Variants in GRIK4 observed in about 807,000 individuals in gnomAD.
The protein encoded by GRIK4 is glutamate receptor ionotropic, kainate 4.
A neutral mutation model predicts 104.9 loss-of-function variants in GRIK4; 40 were observed. The observed-to-expected ratio is 0.38, with a 90% CI of 0.30 to 0.50. GRIK4 has a LOEUF of 0.50. Ranked by LOEUF, GRIK4 falls within the 20% of genes least tolerant of loss-of-function variation. GRIK4 has a pLI of 0.93. For missense variants in GRIK4, 1,047 were observed against 1,308.1 expected, an observed-to-expected ratio of 0.80 and a Z score of 3.08; for synonymous variants, 485 against 524.9, an observed-to-expected ratio of 0.92 and a Z score of 1.04.
intron 3 of GRIK4, among the ~76,000 whole-genome samples, chr11:120,768,458 T>G (rs1384154231): frequency 6.6e-6 from 1 of 152,190 alleles, no homozygotes; most frequent in African/African-American, 2.4e-5. Flanking sequence ...GTTAAAACTT[T>G]CGAGTTTTCT....
intron 3 of GRIK4, among the ~76,000 whole-genome samples, chr11:120,783,348 TG>T (rs34331608): frequency 0.031 from 4,654 of 152,312 alleles, 183 homozygotes; most frequent in African/African-American, 0.085. Flanking sequence ...CCTCCTGCTC[TG>T]TCTTGCTAAT....
intron 3 of GRIK4, among the ~76,000 whole-genome samples, chr11:120,709,354 C>T (rs774637864): frequency 1.3e-4 from 19 of 151,922 alleles, no homozygotes; most frequent in Admixed American, 2.6e-4. Context: ...TGTTACATGT[C>T]GGAGACATGA....
intron 3 of GRIK4, among the ~76,000 whole-genome samples, chr11:120,681,309 G>A (rs1950189606): frequency 6.9e-6 from 1 of 145,444 alleles, no homozygotes; most frequent in Non-Finnish European, 1.6e-5. Flanking sequence ...CTCTGAGACT[G>A]TGGAATTTGC....
chr11:120,540,801 G>C (rs58313956), intron 1 of GRIK4, among the ~76,000 whole-genome samples: 3,804 of 151,620 alleles, frequency 0.025, 156 homozygotes, highest in African/African-American at 0.087. Context: ...TTTTCAAAGA[G>C]GACTTTGGAC....
chr11:120,751,555 T>G (rs1413647365), intron 3 of GRIK4, among the ~76,000 whole-genome samples: 2 of 152,098 alleles, frequency 1.3e-5, no homozygotes, highest in African/African-American at 4.8e-5. Context: ...AGCCCCTCCC[T>G]GCCAGGCTCT....
At chr11:120,980,215 G>A (rs1457467637) in intron 19 of GRIK4, among the ~76,000 whole-genome samples, 4 of 152,184 alleles carry the variant, frequency 2.6e-5, no homozygotes, top group African/African-American at 7.2e-5. Flanking sequence ...GTCACTTGGG[G>A]ACTCCAGTTA....
At position 120,617,327 on chromosome 11, in the gene GRIK4, T is replaced by C. The variant is rs1949129494; in HGVS notation, c.-158-36358T>C. Among the ~76,000 whole-genome samples the C allele has an allele frequency of 2.0e-5, 3 of 152,312 alleles. No homozygotes were observed. In the South Asian group the frequency reaches 6.2e-4, roughly 32 times the overall value. On this transcript the variant is annotated intron_variant, in intron 1 of 20. Transcript: ENST00000527524. ...ATGAACAGCTGACTAAGAAGATTAA[T>C]AGTTCATGACTGGGAAAAGCTTTTT...
intron 3 of GRIK4, among the ~76,000 whole-genome samples, chr11:120,770,203 G>A (rs1394515100): frequency 1.3e-5 from 2 of 152,182 alleles, no homozygotes; most frequent in African/African-American, 4.8e-5. Context: ...GTCAAGGCAT[G>A]GCATACAAAA....
chr11:120,584,926 C>T (rs1242848869), intron 1 of GRIK4, among the ~76,000 whole-genome samples: 1 of 152,158 alleles, frequency 6.6e-6, no homozygotes, highest in African/African-American at 2.4e-5. Context: ...GGTAGATTAG[C>T]TTTTTGATGT....
intron 3 of GRIK4, among the ~76,000 whole-genome samples, chr11:120,680,444 C>G (rs1950172191): frequency 6.6e-6 from 1 of 152,198 alleles, no homozygotes; most frequent in Admixed American, 6.5e-5. Context: ...CCAGTGCCAC[C>G]ATATGGGTGA....
intron 3 of GRIK4, among the ~76,000 whole-genome samples, chr11:120,685,230 A>G (rs1950257323): frequency 6.6e-6 from 1 of 152,196 alleles, no homozygotes; most frequent in Non-Finnish European, 1.5e-5. Context: ...TTGTCGTTAA[A>G]AATATGACCC....
chr11:120,534,603 G>C (rs1397477959), intron 1 of GRIK4, among the ~76,000 whole-genome samples: 4 of 152,166 alleles, frequency 2.6e-5, no homozygotes, highest in African/African-American at 9.7e-5. Context: ...AGGTAGAATG[G>C]GGGATAGTCC....
At chr11:120,730,928 T>C (rs1951116651) in intron 3 of GRIK4, among the ~76,000 whole-genome samples, 1 of 152,230 alleles carries the variant, frequency 6.6e-6, no homozygotes, top group African/African-American at 2.4e-5. Context: ...CTGCAACTTT[T>C]CTGAACTTGT....
chr11:120,626,585 G>A (rs1949262341), intron 1 of GRIK4, among the ~76,000 whole-genome samples: 1 of 152,072 alleles, frequency 6.6e-6, no homozygotes, highest in South Asian at 2.1e-4. Context: ...ACTGCTTCCA[G>A]GGTGCACTCA....
intron 8 of GRIK4, among the ~76,000 whole-genome samples, chr11:120,849,976 G>C (rs539845850): frequency 6.6e-6 from 1 of 152,278 alleles, no homozygotes; most frequent in Admixed American, 6.5e-5. Context: ...CCTGTGGTTG[G>C]CAGAATCTAC....
chr11:120,606,034 C>T (rs780731805), intron 1 of GRIK4, among the ~76,000 whole-genome samples: 1 of 152,180 alleles, frequency 6.6e-6, no homozygotes, highest in South Asian at 2.1e-4. Context: ...AGAAATGATA[C>T]CCTTCAGGTG....
rs559396896 is a variant in GRIK4, at chr11:120,718,969, T to C, written c.82+58569T>C. 1.1e-4 allele frequency among the ~76,000 whole-genome samples: 16 copies of C among 152,314 alleles called. No individual in the cohort carries two copies. In the South Asian group the frequency reaches 3.1e-3, roughly 30 times the overall value. On this transcript the variant is annotated intron_variant, in intron 3 of 20. Coordinates refer to ENST00000527524, the MANE Select transcript of GRIK4 (RefSeq NM_014619.5). ...GGTTTGCTAAGAAAGAAGGTGGCCC[T>C]CCCCTTTCTAGAATAAGGTATAGAA... is the stretch of plus-strand genomic sequence containing the variant.
intron 3 of GRIK4, among the ~76,000 whole-genome samples, chr11:120,705,941 C>T (rs763885734): frequency 4.1e-4 from 63 of 152,208 alleles, no homozygotes; most frequent in Non-Finnish European, 8.2e-4. Context: ...GCCCCAGCAT[C>T]TCAGGCTCCT....
chr11:120,711,108 GTC>G (rs1400295100), intron 3 of GRIK4, among the ~76,000 whole-genome samples: 4 of 152,136 alleles, frequency 2.6e-5, no homozygotes, highest in Non-Finnish European at 5.9e-5. Context: ...CCAAGTCAGT[GTC>G]TCTGATGAAT....
Sources: allele counts gnomAD v4.1 joint callset (sites outside exome capture counted in the v4.1 genomes callset), GRCh38; gene constraint gnomAD v4.1.1; transcripts MANE v1.5; gene names NCBI Gene and HGNC (gene_info 2026-07-23, HGNC 2026-07-21).